The following SLC38A10 variants were observed in gnomAD, a reference collection of about 807,000 sequenced individuals.
SLC38A10 encodes the protein Sodium-coupled neutral amino acid transporter 10.
SLC38A10 carries 53 observed loss-of-function variants against 81.0 expected under a neutral mutation model. The ratio of observed to expected loss-of-function variants is 0.65; its 90% CI spans 0.53 to 0.82. SLC38A10 has a LOEUF of 0.82. Ranked by LOEUF, SLC38A10 falls within the 40% of genes least tolerant of loss-of-function variation. SLC38A10 has a pLI of 0.00. For missense variants in SLC38A10, 1,471 were observed against 1,545.0 expected, an observed-to-expected ratio of 0.95 and a Z score of 0.80; for synonymous variants, 665 against 655.3, an observed-to-expected ratio of 1.01 and a Z score of -0.23.
rs769838768 is a variant in SLC38A10, at chr17:81,251,560, C to T, written c.1998G>A (p.Pro666=). ...AEKPAPGPGL[P]PEPREQRDVE... ...CGTCCCTCTGCTCGCGAGGCTCGGG[C>T]GGCAGCCCAGGCCCTGGAGCCGGCT... The change falls in exon 14 of 16, where the codon CCG becomes CCA. Residue 666 remains proline (P), a synonymous_variant. Transcript: ENST00000374759. The T allele has an allele frequency of 1.3e-5, 19 of 1,506,944 alleles. No homozygotes were observed. Among genetic ancestry groups the T allele is most frequent in the East Asian group, 2.3e-5 (1 of 43,624 alleles). 93.3% of individuals were successfully genotyped at this position (1,506,944 alleles called of 1,614,324 possible).
At chr17:81,272,354 T>C (rs1161431410) in intron 9 of SLC38A10, among the ~76,000 whole-genome samples, 162 bp downstream of exon 9, 1 of 152,100 alleles carries the variant, frequency 6.6e-6, no homozygotes, top group Non-Finnish European at 1.5e-5. Context: ...TTTTATCCCC[T>C]GCCTTTCTCT....
In SLC38A10 at chr17:81,295,102, C is replaced by T; in HGVS notation, c.-181G>A. 1.7e-6 allele frequency: 2 copies of T among 1,150,024 alleles called. No homozygotes were observed. The highest frequency in any genetic ancestry group is 2.2e-6 in the Non-Finnish European group (2 of 912,210). The allele number at this position is 1,150,024 out of a possible 1,614,324, so 71.2% of individuals were successfully genotyped here. A position where few individuals can be genotyped will look rare whatever the true frequency, so the allele number is the denominator to read the frequency against. On this transcript the variant is annotated 5_prime_UTR_variant, in exon 1 of 16. Coordinates refer to ENST00000374759, the MANE Select transcript of SLC38A10 (RefSeq NM_001037984.3). ...CGCGGGCGCGGGCCCCAGAGGCTGCCTGGAGGAGGCAGCCTCGAAGGCCGG... is the reference window on the plus strand; with the variant it reads ...CGCGGGCGCGGGCCCCAGAGGCTGCTTGGAGGAGGCAGCCTCGAAGGCCGG...
chr17:81,286,190 A>T lies in SLC38A10; in HGVS notation c.218-1295T>A, dbSNP rs1488775376. Among the ~76,000 whole-genome samples the T allele has an allele frequency of 6.6e-6, 1 of 152,204 alleles. No homozygotes were observed. ...GAAGCAACAAAACACGGCGCTCCAA[A>T]CATGAAGTTGCTCCTGGCCATAATG... On this transcript the variant is annotated intron_variant, in intron 2 of 15. Coordinates refer to ENST00000374759, the MANE Select transcript of SLC38A10 (RefSeq NM_001037984.3). The surrounding 1 kb of genome is among the most constrained non-coding windows in gnomAD (Gnocchi z 6.0).
At position 81,291,808 on chromosome 17, in the gene SLC38A10, C is replaced by T. The variant is rs75586054; in HGVS notation, c.100-2000G>A. On this transcript the variant is annotated intron_variant, in intron 1 of 15. Coordinates refer to ENST00000374759, the MANE Select transcript of SLC38A10 (RefSeq NM_001037984.3). The stretch of plus-strand genomic sequence containing the variant: ...GTAAACTACACACAGACACGCATGG[C>T]GGTGCAGCGGACACCAGAACGCAAG... 2.1e-3 allele frequency among the ~76,000 whole-genome samples: 315 copies of T among 152,290 alleles called. 5 individuals are homozygous for T. The highest frequency in any genetic ancestry group is 7.2e-3 in the African/African-American group (299 of 41,560).
In SLC38A10 at chr17:81,276,383, T is replaced by G. The variant is rs1479397932; in HGVS notation, c.730-232A>C. Among the ~76,000 whole-genome samples, 1 of 150,416 alleles carries G rather than the reference T, an allele frequency of 6.6e-6. No individual in the cohort carries two copies. Among genetic ancestry groups the G allele is most frequent in the Non-Finnish European group, 1.5e-5 (1 of 67,884 alleles). On this transcript the variant is annotated intron_variant, in intron 7 of 15. Coordinates refer to ENST00000374759, the MANE Select transcript of SLC38A10 (RefSeq NM_001037984.3). This position sits in a 1 kb window ranked among gnomAD's most constrained non-coding sequence, Gnocchi z 4.7. ...AAGAACATGCCCATTTCTTTCTTTT[T>G]CTTTCTTTTTTTTTTTTTTTGAGAC... is the stretch of plus-strand genomic sequence containing the variant.
rs1222500101 is a variant in SLC38A10, at chr17:81,245,238, C to A, written c.*318G>T. On this transcript the variant is annotated 3_prime_UTR_variant, in exon 16 of 16. Transcript: ENST00000374759. ...GGAGGCCTGACCACAGACGCAGCAGCTCCCCAGCCTGAGCCTGGGAGTGCA... is the reference window on the plus strand; with the variant it reads ...GGAGGCCTGACCACAGACGCAGCAGATCCCCAGCCTGAGCCTGGGAGTGCA... 3.3e-6 allele frequency: 1 copy of A among 303,742 alleles called. No individual in the cohort carries two copies. Among genetic ancestry groups the A allele is most frequent in the East Asian group, 6.3e-5 (1 of 15,808 alleles). The allele number at this position is 303,742 out of a possible 1,614,324, so 18.8% of individuals were successfully genotyped here. A position where few individuals can be genotyped will look rare whatever the true frequency, so the allele number is the denominator to read the frequency against.
chr17:81,253,741 AC>A lies in SLC38A10; in HGVS notation c.1289-502del, dbSNP rs1400906389. The stretch of plus-strand genomic sequence containing the variant: ...CATCATCACCATCTCCATCCCTACC[AC>A]CATCACCATCATCATCACCGTCACC... On this transcript the variant is annotated intron_variant, in intron 11 of 15. Transcript: ENST00000374759. The surrounding 1 kb of genome is among the most constrained non-coding windows in gnomAD (Gnocchi z 4.1). Among the ~76,000 whole-genome samples the A allele has an allele frequency of 2.2e-5, 2 of 92,496 alleles. No homozygotes were observed. Among genetic ancestry groups the A allele is most frequent in the Non-Finnish European group, 5.0e-5 (2 of 40,146 alleles). 60.7% of individuals were successfully genotyped at this position (92,496 alleles called of 152,430 possible).
chr17:81,267,124 A>G (rs2063077267), intron 10 of SLC38A10, among the ~76,000 whole-genome samples: 1 of 152,204 alleles, frequency 6.6e-6, no homozygotes, highest in Non-Finnish European at 1.5e-5. Context: ...CAATAAAGTA[A>G]AACACAGGTC....
rs779791742 is a variant in SLC38A10 at position 81,286,232 on chromosome 17, A to C, written c.218-1337T>G. 1.3e-5 allele frequency among the ~76,000 whole-genome samples: 2 copies of C among 152,184 alleles called. No homozygotes were observed. Among genetic ancestry groups the C allele is most frequent in the African/African-American group, 2.4e-5 (1 of 41,434 alleles). On this transcript the variant is annotated intron_variant, in intron 2 of 15. Transcript: ENST00000374759. This position sits in a 1 kb window ranked among gnomAD's most constrained non-coding sequence, Gnocchi z 6.0. The stretch of plus-strand genomic sequence containing the variant: ...GCCATAATGTGCCTTTTCATTCTCC[A>C]AAAGGAAGCTGAGTCTCTACAGCAT...
chr17:81,251,325 T>C (rs1567924127), intron 14 of SLC38A10, 168 bp downstream of exon 14: 2 of 1,612,740 alleles, frequency 1.2e-6, no homozygotes, highest in African/African-American at 1.3e-5. Flanking sequence ...AAGCTGCTGA[T>C]GGGAAGGGAG....
chr17:81,266,629 A>G (rs2063072788), intron 10 of SLC38A10, among the ~76,000 whole-genome samples: 1 of 151,336 alleles, frequency 6.6e-6, no homozygotes, highest in African/African-American at 2.5e-5. Context: ...AAAAAAAAAA[A>G]AAAGAAAAAG....
Position 81,281,715 on chromosome 17 carries a change from G to A in SLC38A10, c.501+474C>T, listed in dbSNP as rs2063213583. Among the ~76,000 whole-genome samples the A allele has an allele frequency of 6.6e-6, 1 of 152,170 alleles. No individual in the cohort carries two copies. The highest frequency in any genetic ancestry group is 1.5e-5 in the Non-Finnish European group (1 of 68,034). ...CACTTGAACCCAGGAGATGGAGGTT[G>A]CAGTGAGCCGAGATTGCGCCACTGC... On this transcript the variant is annotated intron_variant, in intron 5 of 15. Transcript: ENST00000374759. The surrounding 1 kb of genome is among the most constrained non-coding windows in gnomAD (Gnocchi z 5.3).
In SLC38A10 at chr17:81,277,053, A is replaced by G; in HGVS notation, c.707T>C (p.Val236Ala). 3.7e-6 allele frequency: 6 copies of G among 1,614,034 alleles called. No individual in the cohort carries two copies. Among genetic ancestry groups the G allele is most frequent in the Non-Finnish European group, 5.1e-6 (6 of 1,179,914 alleles). Reference sequence around the variant, plus strand: ...TACCATGACGTAGAAGGTGGTGACCACATTAAGGGAGGAAGCAAATATGGA... The same window carrying G: ...TACCATGACGTAGAAGGTGGTGACCGCATTAAGGGAGGAAGCAAATATGGA... ...MSSIFASSLN[V>A]VTTFYVMVGF... The change falls in exon 7 of 16, where the codon GTG (valine) becomes GCG (alanine). Residue 236 changes from valine (V) to alanine (A), a missense_variant. Val to Ala is a moderately conservative substitution (Grantham distance 64). This residue lies in a region of SLC38A10 where 720 missense variants were observed against 827.7 expected (regional missense o/e 0.87). Transcript: ENST00000374759. This position sits in a 1 kb window ranked among gnomAD's most constrained non-coding sequence, Gnocchi z 4.5.
intron 14 of SLC38A10, among the ~76,000 whole-genome samples, chr17:81,250,558 G>A (rs1283512701): frequency 6.6e-6 from 1 of 152,234 alleles, no homozygotes; most frequent in African/African-American, 2.4e-5. Flanking sequence ...TGGAGCGGCT[G>A]TGCCCTGCGA....
intron 9 of SLC38A10, among the ~76,000 whole-genome samples, chr17:81,272,036 AT>A (rs754299651): frequency 1.5e-3 from 212 of 143,542 alleles, no homozygotes; most frequent in Non-Finnish European, 1.2e-3. Flanking sequence ...AAGCTGCCAG[AT>A]TTTTTTTTTT....
At chr17:81,264,241 A>G (rs2063050411) in intron 10 of SLC38A10, 1 of 153,618 alleles carries the variant, frequency 6.5e-6, no homozygotes, top group Non-Finnish European at 1.4e-5. Flanking sequence ...GGGGAAGCCC[A>G]CGGAGCCCCA....
Position 81,270,542 on chromosome 17 carries a change from G to A in SLC38A10, c.1131+376C>T, listed in dbSNP as rs922337728. On this transcript the variant is annotated intron_variant, in intron 10 of 15. Transcript: ENST00000374759. The surrounding 1 kb of genome is among the most constrained non-coding windows in gnomAD (Gnocchi z 4.0). ...GCACGCACATCTCCGTGGGAGGGTC[G>A]CACCAGGAACAACGGTGGGTGGTGG... Among the ~76,000 whole-genome samples, 2 of 152,128 alleles carry A rather than the reference G, an allele frequency of 1.3e-5. No homozygotes were observed. The highest frequency in any genetic ancestry group is 6.5e-5 in the Admixed American group (1 of 15,272).
rs764446044 is a variant in SLC38A10, at chr17:81,246,396, G to A, written c.2520C>T (p.Ala840=). ...QAKLRDGQKD[A]APRAAGTVKE... ...TCACAGTGCCAGCTGCCCTGGGGGC[G>A]GCATCCTTCTGGCCATCTCTCAGCT... is the stretch of plus-strand genomic sequence containing the variant. The change falls in exon 16 of 16, where the codon GCC becomes GCT. Residue 840 remains alanine (A), a synonymous_variant. Coordinates refer to ENST00000374759, the MANE Select transcript of SLC38A10 (RefSeq NM_001037984.3). 86 of 1,599,938 alleles carry A rather than the reference G, an allele frequency of 5.4e-5. No homozygotes were observed. The highest frequency in any genetic ancestry group is 5.4e-5 in the African/African-American group (4 of 74,632).
At chr17:81,250,326 C>G (rs993703995) in intron 14 of SLC38A10, among the ~76,000 whole-genome samples, 1 of 152,236 alleles carries the variant, frequency 6.6e-6, no homozygotes, top group Non-Finnish European at 1.5e-5. Flanking sequence ...CTCTGCCTTC[C>G]GCGCTGCAGG....
Sources: allele counts gnomAD v4.1 joint callset (sites outside exome capture counted in the v4.1 genomes callset), GRCh38; gene constraint gnomAD v4.1.1; regional missense constraint gnomAD v4.1.1; non-coding constraint Gnocchi (gnomAD v3.1); transcripts MANE v1.5; gene names NCBI Gene and HGNC (gene_info 2026-07-23, HGNC 2026-07-21).